FAM222B: variants seen among roughly 807,000 people sequenced by gnomAD.
FAM222B encodes protein FAM222B.
FAM222B carries 12 observed loss-of-function variants against 38.0 expected under a neutral mutation model. That is an observed-to-expected ratio of 0.32 (90% CI 0.20 to 0.51). The LOEUF is 0.51. Ranked by LOEUF, FAM222B falls within the 20% of genes least tolerant of loss-of-function variation. FAM222B has a pLI of 0.97. For synonymous variants in FAM222B, 329 were observed against 317.2 expected (o/e 1.04, Z -0.40); for missense variants, 716 against 754.2 (o/e 0.95, Z 0.59).
Position 28,766,618 on chromosome 17 carries a change from G to C in FAM222B, c.50C>G (p.Ser17Cys), listed in dbSNP as rs1379434210. 6.2e-7 allele frequency: 1 copy of C among 1,605,814 alleles called. No individual in the cohort carries two copies. The change falls in exon 2 of 3, where the codon TCT becomes TGT. Residue 17 changes from serine (S) to cysteine (C), a missense_variant. Transcript: ENST00000581407. Reference protein sequence around the residue: ...GPGDLSFQLLSHTQMNTGLQK... With the variant: ...GPGDLSFQLLCHTQMNTGLQK... ...AAGTCCAGTGTTCATCTGCGTGTGA[G>C]AAAGAAGCTGAAAGGACAGGTCACC...
At chr17:28,804,270 T>C (rs111913955) in intron 1 of FAM222B, among the ~76,000 whole-genome samples, 3 of 152,088 alleles carry the variant, frequency 2.0e-5, no homozygotes, top group South Asian at 2.1e-4. Flanking sequence ...CATAACTAAA[T>C]GAGCCAAGTC....
In FAM222B at chr17:28,758,735, AG is replaced by A; in HGVS notation, c.1223del (p.Pro408LeufsTer15). ...CCAGGCAGAGTTCCTGCGGGTAGGCAGGGGCCTTGCCCACAAAGCCAGGCCC... is the reference window on the plus strand; with the variant it reads ...CCAGGCAGAGTTCCTGCGGGTAGGCAGGGCCTTGCCCACAAAGCCAGGCCC... ...LAGPGFVGKAPAYPQELCLAQ... is the reference protein window; with the variant it reads ...LAGPGFVGKAXAYPQELCLAQ... On this transcript the variant is annotated frameshift_variant, in exon 3 of 3. Coordinates refer to ENST00000581407, the MANE Select transcript of FAM222B (RefSeq NM_001077498.3). LOFTEE classifies it high-confidence loss of function. The A allele has an allele frequency of 6.3e-7, 1 of 1,581,192 alleles. No individual in the cohort carries two copies. Among genetic ancestry groups the A allele is most frequent in the Non-Finnish European group, 8.6e-7 (1 of 1,161,638 alleles).
intron 2 of FAM222B, among the ~76,000 whole-genome samples, chr17:28,760,972 G>A (rs1248693031): frequency 3.3e-5 from 5 of 152,194 alleles, no homozygotes; most frequent in African/African-American, 1.2e-4. Flanking sequence ...TAATGACAGG[G>A]CAGCAGGGAG....
intron 1 of FAM222B, among the ~76,000 whole-genome samples, chr17:28,806,034 C>T (rs2037482119): frequency 6.6e-6 from 1 of 152,020 alleles, no homozygotes; most frequent in South Asian, 2.1e-4. Context: ...TTCCTATAAT[C>T]CCAGCTACTT....
rs571517805 is a variant in FAM222B, at chr17:28,767,410, G to A, written c.-40-703C>T. On this transcript the variant is annotated intron_variant, in intron 1 of 2. Coordinates refer to ENST00000581407, the MANE Select transcript of FAM222B (RefSeq NM_001077498.3). ...TGACCTCAGTTGATCCGCCCACCTC[G>A]GCCTCCCAAAGTGCCGGGATTACAG... is the stretch of plus-strand genomic sequence containing the variant. Among the ~76,000 whole-genome samples, 202 of 150,998 alleles carry A rather than the reference G, an allele frequency of 1.3e-3. 1 individual carries two copies. The highest frequency in any genetic ancestry group is 4.0e-3 in the African/African-American group (164 of 41,134).
chr17:28,807,739 A>C (rs1186130933), intron 1 of FAM222B, among the ~76,000 whole-genome samples: 1 of 152,200 alleles, frequency 6.6e-6, no homozygotes, highest in East Asian at 1.9e-4. Context: ...CAGATCATGA[A>C]ATCTCTAATG....
chr17:28,788,341 G>A (rs2036513224), intron 1 of FAM222B, among the ~76,000 whole-genome samples: 1 of 152,012 alleles, frequency 6.6e-6, no homozygotes, highest in East Asian at 1.9e-4. Flanking sequence ...TAGGCTTAAC[G>A]GATCTTCTTG....
intron 1 of FAM222B, 78 bp from the exon 2 acceptor site, chr17:28,766,785 G>C (rs1024155586): frequency 2.6e-6 from 2 of 783,594 alleles, no homozygotes; most frequent in African/African-American, 1.7e-5. Flanking sequence ...GGATATGACT[G>C]GCGTGAGGCC....
chr17:28,834,900 G>C (rs1298570535), intron 1 of FAM222B: 1 of 150,554 alleles, frequency 6.6e-6, no homozygotes, highest in African/African-American at 2.4e-5. Context: ...TGTTGCCCAG[G>C]CTGGAGTGCA....
chr17:28,767,579 G>T (rs573459202), intron 1 of FAM222B, among the ~76,000 whole-genome samples: 33 of 152,212 alleles, frequency 2.2e-4, no homozygotes, highest in African/African-American at 7.7e-4. Flanking sequence ...GAGTTCAAGC[G>T]ATTCTCGTCC....
chr17:28,818,428 T>C (rs1216036165), intron 1 of FAM222B, among the ~76,000 whole-genome samples: 2 of 150,914 alleles, frequency 1.3e-5, no homozygotes, highest in Non-Finnish European at 2.9e-5. Context: ...CTTGGGAGGC[T>C]GAGGCAGGAG....
In FAM222B at chr17:28,760,559, G is replaced by A. The variant is rs1350117791; in HGVS notation, c.83-683C>T. ...CGCACCACTGCACTCCAACCTGGGC[G>A]ACAGAGCAAGACTCTGTCTCAGAAA... is the stretch of plus-strand genomic sequence containing the variant. On this transcript the variant is annotated intron_variant, in intron 2 of 2. Coordinates refer to ENST00000581407, the MANE Select transcript of FAM222B (RefSeq NM_001077498.3). Among the ~76,000 whole-genome samples the A allele has an allele frequency of 4.0e-5, 6 of 151,328 alleles. No homozygotes were observed. In the East Asian group the frequency reaches 5.8e-4, roughly 15 times the overall value.
chr17:28,833,628 AAAAAG>A lies in FAM222B; in HGVS notation c.-41+9049_-41+9053del, dbSNP rs1278695155. 1.1e-4 allele frequency among the ~76,000 whole-genome samples: 16 copies of A among 151,864 alleles called. 1 individual carries two copies. The East Asian group carries it at 2.7e-3, about 26-fold the overall frequency. Reference sequence around the variant, plus strand: ...ACTTTGTCTCAAAAAAAAAAAAAAAAAAAAGAAGTTCACAGAAAAAAAAAATTGAA... The same window carrying A: ...ACTTTGTCTCAAAAAAAAAAAAAAAAAAGTTCACAGAAAAAAAAAATTGAA... On this transcript the variant is annotated intron_variant, in intron 1 of 2. Transcript: ENST00000581407.
intron 1 of FAM222B, among the ~76,000 whole-genome samples, chr17:28,814,392 C>T (rs1363351290): frequency 6.6e-6 from 1 of 152,126 alleles, no homozygotes; most frequent in African/African-American, 2.4e-5. Context: ...GAACTCAAAA[C>T]ATTTCATATA....
chr17:28,852,406 C>G (rs1214894117), intron 1 of FAM222B, among the ~76,000 whole-genome samples: 1 of 151,920 alleles, frequency 6.6e-6, no homozygotes, highest in African/African-American at 2.4e-5. Context: ...GTTATCTCAG[C>G]ACTTTGGGAG....
intron 1 of FAM222B, among the ~76,000 whole-genome samples, chr17:28,818,751 G>A (rs1371119929): frequency 1.3e-5 from 2 of 152,040 alleles, no homozygotes; most frequent in Non-Finnish European, 2.9e-5. Context: ...GTAGAGAGCT[G>A]GAAAGAAGGG....
chr17:28,782,109 G>C lies in FAM222B; in HGVS notation c.-40-15402C>G, dbSNP rs2036190766. On this transcript the variant is annotated intron_variant, in intron 1 of 2. Transcript: ENST00000581407. ...GGAGCCTGAGATGGTAGGATCACTTGAGACCAGGAATTTGAGACCAGCCAG... is the reference window on the plus strand; with the variant it reads ...GGAGCCTGAGATGGTAGGATCACTTCAGACCAGGAATTTGAGACCAGCCAG... Among the ~76,000 whole-genome samples the C allele has an allele frequency of 2.6e-5, 4 of 152,254 alleles. No individual in the cohort carries two copies. In the South Asian group the frequency reaches 8.3e-4, roughly 32 times the overall value.
At chr17:28,819,917 A>G (rs1394719248) in intron 1 of FAM222B, among the ~76,000 whole-genome samples, 1 of 152,244 alleles carries the variant, frequency 6.6e-6, no homozygotes, top group Non-Finnish European at 1.5e-5. Flanking sequence ...GAGTCCAGCA[A>G]AAGCAAGTAC....
At chr17:28,791,992 CAA>C (rs1476019444) in intron 1 of FAM222B, among the ~76,000 whole-genome samples, 3 of 150,730 alleles carry the variant, frequency 2.0e-5, no homozygotes, top group Admixed American at 6.6e-5. Flanking sequence ...CCCTGGATAG[CAA>C]AGTGAGACCA....
Sources: gnomAD v4.1 joint callset for allele counts (sites outside exome capture counted in the v4.1 genomes callset) on GRCh38, gnomAD v4.1.1 for gene constraint, MANE v1.5 for transcripts, NCBI Gene and HGNC (gene_info 2026-07-23, HGNC 2026-07-21) for gene names.